PDCL2: variants seen among roughly 807,000 people sequenced by gnomAD.
PDCL2 encodes phosducin-like protein 2.
Under a neutral mutation model 30.3 loss-of-function variants are expected in PDCL2, and 23 were observed. The ratio of observed to expected loss-of-function variants is 0.76; its 90% CI spans 0.55 to 1.08. The LOEUF (loss-of-function observed/expected upper bound fraction) is 1.08, where lower values mean the gene tolerates loss of function less well. Among genes scored for constraint, PDCL2 ranks in the 50% least tolerant of loss-of-function variants. The pLI is 0.00. For missense variants in PDCL2, 243 were observed against 282.3 expected (o/e 0.86, Z 1.00); for synonymous variants, 68 against 86.2 (o/e 0.79, Z 1.17).
At chr4:55,567,570 C>T (rs1480302411) in intron 4 of PDCL2, among the ~76,000 whole-genome samples, 1 of 152,160 alleles carries the variant, frequency 6.6e-6, no homozygotes, top group Non-Finnish European at 1.5e-5. Context: ...CCTACTCCCT[C>T]CTTGACCTAT....
chr4:55,586,669 T>A (rs191971210), intron 1 of PDCL2, among the ~76,000 whole-genome samples: 1 of 152,362 alleles, frequency 6.6e-6, no homozygotes, highest in Admixed American at 6.5e-5. Flanking sequence ...GTCCTTACTT[T>A]CAATTCTTTT....
intron 5 of PDCL2, among the ~76,000 whole-genome samples, chr4:55,559,501 A>G (rs995273049): frequency 2.0e-5 from 3 of 152,220 alleles, no homozygotes; most frequent in Non-Finnish European, 2.9e-5. Flanking sequence ...ATACTACAAT[A>G]TAATGCCCTT....
intron 3 of PDCL2, among the ~76,000 whole-genome samples, chr4:55,571,919 T>C (rs890397799): frequency 1.3e-5 from 2 of 151,826 alleles, no homozygotes; most frequent in African/African-American, 2.4e-5. Flanking sequence ...ATGGGAGCCC[T>C]ACTTTGTTTG....
chr4:55,583,564 G>C (rs768742131), intron 1 of PDCL2, among the ~76,000 whole-genome samples: 1 of 152,130 alleles, frequency 6.6e-6, no homozygotes, highest in Non-Finnish European at 1.5e-5. Context: ...TTATATTTAA[G>C]TCTTTAATCC....
At chr4:55,562,321 C>A in intron 5 of PDCL2, 83 bp downstream of exon 5, 1 of 936,548 alleles carries the variant, frequency 1.1e-6, no homozygotes, top group Non-Finnish European at 1.5e-6. Flanking sequence ...AACCTTGGTA[C>A]TAAGGAAGTA....
At chr4:55,569,992 C>A (rs184562604) in intron 3 of PDCL2, 131 bp from the exon 4 acceptor site, 1 of 608,594 alleles carries the variant, frequency 1.6e-6, no homozygotes, top group Non-Finnish European at 2.6e-6. Flanking sequence ...GATGGGATAA[C>A]CATGAATGAT....
chr4:55,583,221 A>G (rs1006791236), intron 1 of PDCL2, among the ~76,000 whole-genome samples: 11 of 152,042 alleles, frequency 7.2e-5, no homozygotes, highest in African/African-American at 2.7e-4. Flanking sequence ...CTCCCTCCTC[A>G]GCCTTCCAAA....
rs117653041 is a variant in PDCL2 at position 55,569,062 on chromosome 4, C to T, written c.362+656G>A. Among the ~76,000 whole-genome samples, 8 of 152,200 alleles carry T rather than the reference C, an allele frequency of 5.3e-5. No homozygotes were observed. In the East Asian group the frequency reaches 1.5e-3, roughly 29 times the overall value. The stretch of plus-strand genomic sequence containing the variant: ...CTATATAAGCCCAAGTTCTAACCAC[C>T]CCTTTGAGTTACTTATCACTGAGCT... On this transcript the variant is annotated intron_variant, in intron 4 of 5. Coordinates refer to ENST00000295645, the MANE Select transcript of PDCL2 (RefSeq NM_152401.3).
intron 4 of PDCL2, among the ~76,000 whole-genome samples, chr4:55,568,568 T>A (rs557133244): frequency 2.6e-4 from 40 of 152,336 alleles, no homozygotes; most frequent in Non-Finnish European, 4.7e-4. Context: ...TATTAGGAAT[T>A]ACTGTTAATT....
chr4:55,563,778 T>A (rs947248142), intron 4 of PDCL2, among the ~76,000 whole-genome samples: 2 of 152,126 alleles, frequency 1.3e-5, no homozygotes, highest in Non-Finnish European at 2.9e-5. Context: ...CAGGTTACAG[T>A]GACAAGACAG....
In PDCL2 at chr4:55,588,379, A is replaced by G. The variant is rs184443605; in HGVS notation, c.6+3725T>C. 5.9e-5 allele frequency among the ~76,000 whole-genome samples: 9 copies of G among 152,334 alleles called. No homozygotes were observed. In the East Asian group the frequency reaches 1.7e-3, roughly 29 times the overall value. On this transcript the variant is annotated intron_variant, in intron 1 of 5. Coordinates refer to ENST00000295645, the MANE Select transcript of PDCL2 (RefSeq NM_152401.3). ...CTCACTGAGCCAGACTAAATTGTGT[A>G]TTCAGTGGAAGGCTAATCAAGGACT... is the stretch of plus-strand genomic sequence containing the variant.
intron 4 of PDCL2, among the ~76,000 whole-genome samples, chr4:55,563,661 G>A (rs922631713): frequency 2.0e-5 from 3 of 152,200 alleles, no homozygotes; most frequent in Non-Finnish European, 4.4e-5. Flanking sequence ...GAAACACAAA[G>A]TGATTACCCA....
chr4:55,582,784 G>A (rs937918516), intron 1 of PDCL2, among the ~76,000 whole-genome samples: 2 of 138,780 alleles, frequency 1.4e-5, no homozygotes, highest in Non-Finnish European at 3.0e-5. Context: ...AGGCCCCGGT[G>A]TGTGATGTTC....
chr4:55,582,145 C>A lies in PDCL2; in HGVS notation c.99G>T (p.Met33Ile). 1.9e-6 allele frequency: 3 copies of A among 1,613,112 alleles called. No homozygotes were observed. Among genetic ancestry groups the A allele is most frequent in the Non-Finnish European group, 2.5e-6 (3 of 1,179,678 alleles). ...KEESKDEIEE[M>I]VLRLQKEAMV... ...TTGCTTCTTTCTGTAAACGTAAAAC[C>A]ATTTCTTCAATTTCATCTTTTGACT... Residue 33 changes from methionine (M) to isoleucine (I), a missense_variant, in exon 2 of 6, where the codon ATG becomes ATT. Coordinates refer to ENST00000295645, the MANE Select transcript of PDCL2 (RefSeq NM_152401.3).
chr4:55,563,937 T>G (rs1732197772), intron 4 of PDCL2, among the ~76,000 whole-genome samples: 1 of 152,162 alleles, frequency 6.6e-6, no homozygotes, highest in African/African-American at 2.4e-5. Context: ...TTAACTTTGG[T>G]CCTAAATCAG....
At chr4:55,584,310 G>C (rs2110167583) in intron 1 of PDCL2, among the ~76,000 whole-genome samples, 1 of 152,170 alleles carries the variant, frequency 6.6e-6, no homozygotes, top group Non-Finnish European at 1.5e-5. Context: ...AGGCTGGAGT[G>C]CAGTGGTGCA....
intron 1 of PDCL2, among the ~76,000 whole-genome samples, chr4:55,586,214 C>G (rs1229356837): frequency 1.3e-5 from 2 of 152,064 alleles, no homozygotes. Flanking sequence ...TCTTCTTTGA[C>G]CCATTGGTTG....
chr4:55,582,366 A>G (rs566358260), intron 1 of PDCL2, 129 bp from the exon 2 acceptor site: 165 of 1,083,346 alleles, frequency 1.5e-4, no homozygotes, highest in Middle Eastern at 1.3e-3. Flanking sequence ...TTGGTTTTGA[A>G]GAATAAAGCA....
At chr4:55,586,689 C>T (rs1312993223) in intron 1 of PDCL2, among the ~76,000 whole-genome samples, 2 of 152,206 alleles carry the variant, frequency 1.3e-5, no homozygotes, top group East Asian at 3.9e-4. Context: ...TGGGTACATA[C>T]CTGGAAGGAG....
Sources: gnomAD v4.1 joint callset for allele counts (sites outside exome capture counted in the v4.1 genomes callset) on GRCh38, gnomAD v4.1.1 for gene constraint, MANE v1.5 for transcripts, NCBI Gene and HGNC (gene_info 2026-07-23, HGNC 2026-07-21) for gene names.